Variants in ADAMTS2 observed in about 807,000 individuals in gnomAD.
The protein encoded by ADAMTS2 is A disintegrin and metalloproteinase with thrombospondin motifs 2.
ADAMTS2 carries 50 observed loss-of-function variants against 123.0 expected under a neutral mutation model. That is an observed-to-expected ratio of 0.41 (90% CI 0.32 to 0.51). ADAMTS2 has a LOEUF of 0.51. Ranked by LOEUF, ADAMTS2 falls within the 20% of genes least tolerant of loss-of-function variation. The pLI is 0.35. For missense variants in ADAMTS2, 1,494 were observed against 1,705.2 expected, an observed-to-expected ratio of 0.88 and a Z score of 2.18; for synonymous variants, 678 against 695.4, an observed-to-expected ratio of 0.98 and a Z score of 0.39.
chr5:179,120,264 G>A (rs1267629417), intron 21 of ADAMTS2: 2 of 152,112 alleles, frequency 1.3e-5, no homozygotes, highest in African/African-American at 4.8e-5. Flanking sequence ...CATTTTCACA[G>A]TCACTTTGGC....
chr5:179,320,971 G>A (rs768413441), intron 2 of ADAMTS2, among the ~76,000 whole-genome samples: 5 of 151,926 alleles, frequency 3.3e-5, no homozygotes, highest in Non-Finnish European at 7.4e-5. Context: ...TGGGGATGTG[G>A]GAAAAAAAAC....
At chr5:179,205,896 T>C (rs930310040) in intron 4 of ADAMTS2, among the ~76,000 whole-genome samples, 7 of 151,998 alleles carry the variant, frequency 4.6e-5, no homozygotes, top group South Asian at 4.2e-4. Context: ...CTCAGCCTCC[T>C]GAGTAGCTGG....
At chr5:179,227,796 T>C (rs1765321265) in intron 3 of ADAMTS2, among the ~76,000 whole-genome samples, 2 of 151,646 alleles carry the variant, frequency 1.3e-5, no homozygotes, top group Non-Finnish European at 2.9e-5. Context: ...AGAGGAGAGA[T>C]GGCCGAGGCC....
In ADAMTS2 at chr5:179,197,140, C is replaced by T. The variant is rs566643019; in HGVS notation, c.891+10373G>A. Among the ~76,000 whole-genome samples, 6 of 152,330 alleles carry T rather than the reference C, an allele frequency of 3.9e-5. No homozygotes were observed. Among genetic ancestry groups the T allele is most frequent in the South Asian group, 2.1e-4 (1 of 4,828 alleles). On this transcript the variant is annotated intron_variant, in intron 4 of 21. Coordinates refer to ENST00000251582, the MANE Select transcript of ADAMTS2 (RefSeq NM_014244.5). This position sits in a 1 kb window ranked among gnomAD's most constrained non-coding sequence, Gnocchi z 4.2. ...GTGGCCTCTGGCAGGCCTGAGAGTA[C>T]GTGTTCCTGGTAGCAATAGGTTGAG...
At position 179,344,066 on chromosome 5, in the gene ADAMTS2, T is replaced by C. The variant is rs756269515; in HGVS notation, c.235A>G (p.Thr79Ala). 6.2e-7 allele frequency: 1 copy of C among 1,611,732 alleles called. No individual in the cohort carries two copies. Among genetic ancestry groups the C allele is most frequent in the Non-Finnish European group, 8.5e-7 (1 of 1,179,368 alleles). The change falls in exon 2 of 22, where the codon ACG becomes GCG. Residue 79 changes from threonine (T) to alanine (A), a missense_variant. By Grantham distance (58) the Thr-to-Ala change is moderately conservative (BLOSUM62 0). Around this residue, in one of 6 missense-constraint regions of ADAMTS2, gnomAD observed 237 missense variants for 233.7 expected, o/e 1.01. Coordinates refer to ENST00000251582, the MANE Select transcript of ADAMTS2 (RefSeq NM_014244.5). Reference sequence around the variant, plus strand: ...CGGGCTCGTACCCCTGCTCTGGACGTAGCTGCCGACACCACGTGGGACACC... The same window carrying C: ...CGGGCTCGTACCCCTGCTCTGGACGCAGCTGCCGACACCACGTGGGACACC... ...RLVSHVVSAA[T>A]SRAGVRARRA...
chr5:179,197,969 G>C lies in ADAMTS2; in HGVS notation c.891+9544C>G, dbSNP rs1764466689. Among the ~76,000 whole-genome samples, 1 of 152,212 alleles carries C rather than the reference G, an allele frequency of 6.6e-6. No homozygotes were observed. The highest frequency in any genetic ancestry group is 2.4e-5 in the African/African-American group (1 of 41,452). ...GGTTTGTGAGCAGAGACTAGCCCAG[G>C]CGCTGGCAGAGCAAGTTTTTGAAAA... is the stretch of plus-strand genomic sequence containing the variant. On this transcript the variant is annotated intron_variant, in intron 4 of 21. Transcript: ENST00000251582. The surrounding 1 kb of genome is among the most constrained non-coding windows in gnomAD (Gnocchi z 4.2).
At chr5:179,311,807 A>G (rs1756841051) in intron 2 of ADAMTS2, among the ~76,000 whole-genome samples, 1 of 151,894 alleles carries the variant, frequency 6.6e-6, no homozygotes, top group African/African-American at 2.4e-5. Flanking sequence ...CTGTATTCGG[A>G]GTTGAGCCCA....
Position 179,273,003 on chromosome 5 carries a change from G to A in ADAMTS2, c.596C>T (p.Ala199Val), listed in dbSNP as rs76704342. The A allele has an allele frequency of 5.8e-4, 936 of 1,613,324 alleles. 4 individuals are homozygous for A. In the East Asian group the frequency reaches 9.8e-3, roughly 17 times the overall value. Residue 199 changes from alanine to valine, a missense_variant, in exon 3 of 22, where the codon GCG (alanine) becomes GTG (valine). Transcript: ENST00000251582. ...ACGGCCTTGCTCAGCCTCCTGCGCC[G>A]CCAGCCCCTTCTCCAAGGGTTCGAT... ...FFIEPLEKGL[A>V]AQEAEQGRVH...
chr5:179,192,222 G>T (rs916749840), intron 4 of ADAMTS2, among the ~76,000 whole-genome samples: 1 of 152,200 alleles, frequency 6.6e-6, no homozygotes, highest in African/African-American at 2.4e-5. Context: ...CTGGGCAGGG[G>T]CCCCCAAGGC....
intron 3 of ADAMTS2, among the ~76,000 whole-genome samples, chr5:179,265,487 G>A (rs1332848598): frequency 2.6e-5 from 4 of 152,132 alleles, no homozygotes; most frequent in Non-Finnish European, 5.9e-5. Context: ...TGGAATAAGG[G>A]GGGCCCAGCC....
chr5:179,181,252 C>A lies in ADAMTS2; in HGVS notation c.892-97G>T. On this transcript the variant is annotated intron_variant, in intron 4 of 21. Transcript: ENST00000251582. The surrounding 1 kb of genome is among the most constrained non-coding windows in gnomAD (Gnocchi z 4.1). ...ACCCCCACCTGCTCCTTCTTCTTCC[C>A]ATGCTTTCCACCCAGGCGTCACCAT... 1 of 890,106 alleles carries A rather than the reference C, an allele frequency of 1.1e-6. No homozygotes were observed. The highest frequency in any genetic ancestry group is 1.9e-6 in the Non-Finnish European group (1 of 535,668). 55.1% of individuals were successfully genotyped at this position (890,106 alleles called of 1,614,324 possible).
intron 5 of ADAMTS2, among the ~76,000 whole-genome samples, chr5:179,165,805 G>T (rs1279935358): frequency 1.3e-5 from 2 of 152,190 alleles, no homozygotes; most frequent in Admixed American, 6.5e-5. Flanking sequence ...TCCAGCCTAG[G>T]GCCCCAGAAG....
intron 6 of ADAMTS2, among the ~76,000 whole-genome samples, chr5:179,157,988 A>AGTCTCG (rs1763513341): frequency 6.6e-6 from 1 of 151,322 alleles, no homozygotes; most frequent in African/African-American, 2.4e-5. Flanking sequence ...TTTTTGAGAC[A>AGTCTCG]GAGTCTCGCA....
intron 2 of ADAMTS2, among the ~76,000 whole-genome samples, chr5:179,302,739 C>T (rs1253596016): frequency 6.6e-6 from 1 of 151,364 alleles, no homozygotes; most frequent in Admixed American, 6.6e-5. Flanking sequence ...GGGCGGGGGA[C>T]TTCCTGGAAG....
chr5:179,305,229 G>T (rs1186733483), intron 2 of ADAMTS2, among the ~76,000 whole-genome samples: 2 of 152,166 alleles, frequency 1.3e-5, no homozygotes, highest in African/African-American at 4.8e-5. Flanking sequence ...GGGGGAAAAT[G>T]ATGCTAGAAA....
Position 179,344,760 on chromosome 5 carries a change from TC to T in ADAMTS2, c.139+429del, listed in dbSNP as rs1203270149. ...GGGGTGGAACAGGGTCCCTCCGATC[TC>T]CGGGGATTCCCTGCGGGGCGCCCCA... On this transcript the variant is annotated intron_variant, in intron 1 of 21. Transcript: ENST00000251582. Among the ~76,000 whole-genome samples, 5 of 152,264 alleles carry T rather than the reference TC, an allele frequency of 3.3e-5. No individual in the cohort carries two copies. In the East Asian group the frequency reaches 9.6e-4, roughly 29 times the overall value.
intron 1 of ADAMTS2, 87 bp from the exon 2 acceptor site, chr5:179,344,248 C>A: frequency 1.3e-6 from 2 of 1,482,866 alleles, no homozygotes; most frequent in Non-Finnish European, 1.8e-6. Context: ...CCCCCCAGAC[C>A]CCGCCCCACT....
chr5:179,246,672 T>A (rs1027703405), intron 3 of ADAMTS2, among the ~76,000 whole-genome samples: 4 of 152,182 alleles, frequency 2.6e-5, no homozygotes, highest in Non-Finnish European at 5.9e-5. Context: ...AAGACAGAGT[T>A]GTAAACAGTC....
intron 5 of ADAMTS2, among the ~76,000 whole-genome samples, chr5:179,177,207 G>A (rs1302452019): frequency 2.0e-5 from 3 of 152,200 alleles, no homozygotes; most frequent in African/African-American, 7.2e-5. Context: ...CTGATGTGAT[G>A]AACTGTATGA....
Sources: allele counts gnomAD v4.1 joint callset (sites outside exome capture counted in the v4.1 genomes callset), GRCh38; gene constraint gnomAD v4.1.1; regional missense constraint gnomAD v4.1.1; non-coding constraint Gnocchi (gnomAD v3.1); transcripts MANE v1.5; gene names NCBI Gene and HGNC (gene_info 2026-07-23, HGNC 2026-07-21).